Variants in SMCO4 observed in about 807,000 individuals in gnomAD.
SMCO4 encodes single-pass membrane protein with coiled-coil domains 4.
Under a neutral mutation model 3.6 loss-of-function variants are expected in SMCO4, and 4 were observed. The observed-to-expected ratio is 1.11, with a 90% confidence interval of 0.54 to 2.53. The LOEUF is 2.53. SMCO4 is among the 30% of genes most tolerant of loss of function. SMCO4 has a pLI of 0.02. For missense variants in SMCO4, 70 were observed against 80.8 expected (o/e 0.87, Z 0.51); for synonymous variants, 36 against 35.3 (o/e 1.02, Z -0.07).
chr11:93,507,939 T>G (rs1254478739), intron 1 of SMCO4, among the ~76,000 whole-genome samples: 1 of 152,234 alleles, frequency 6.6e-6, no homozygotes, highest in Non-Finnish European at 1.5e-5. Flanking sequence ...ACAATGTCAC[T>G]CTTCTCACTA....
intron 1 of SMCO4, among the ~76,000 whole-genome samples, chr11:93,524,905 GA>G (rs2134624890): frequency 6.6e-6 from 1 of 152,316 alleles, no homozygotes; most frequent in African/African-American, 2.4e-5. Context: ...TATAAACTCA[GA>G]ATTCTGTGAT....
At chr11:93,487,797 G>C (rs1424847648) in intron 2 of SMCO4, among the ~76,000 whole-genome samples, 2 of 152,224 alleles carry the variant, frequency 1.3e-5, no homozygotes, top group Non-Finnish European at 2.9e-5. Context: ...GCATGTCAGG[G>C]TTTCAGTCCC....
intron 1 of SMCO4, among the ~76,000 whole-genome samples, chr11:93,516,251 GA>G (rs1311989637): frequency 1.3e-5 from 2 of 152,174 alleles, no homozygotes; most frequent in African/African-American, 2.4e-5. Flanking sequence ...TAACACCCCT[GA>G]AGAAGGGAGA....
intron 1 of SMCO4, among the ~76,000 whole-genome samples, chr11:93,517,887 C>G (rs1337639610): frequency 6.6e-6 from 1 of 152,220 alleles, no homozygotes; most frequent in Non-Finnish European, 1.5e-5. Flanking sequence ...TATGGTGTCA[C>G]TGGAAAAGCC....
rs182325185 is a variant in SMCO4, at chr11:93,506,380, C to A, written c.-153-7032G>T. ...AAACAACTGGTGGCTTAGCATAAAT[C>A]AAGGCAGTGGCATCTCACTGTATCA... On this transcript the variant is annotated intron_variant, in intron 1 of 2. Transcript: ENST00000298966. 7.3e-5 allele frequency among the ~76,000 whole-genome samples: 11 copies of A among 151,238 alleles called. No homozygotes were observed. In the East Asian group the frequency reaches 1.6e-3, roughly 21 times the overall value.
At chr11:93,531,208 C>T (rs1249549645) in intron 1 of SMCO4, among the ~76,000 whole-genome samples, 1 of 152,196 alleles carries the variant, frequency 6.6e-6, no homozygotes, top group Non-Finnish European at 1.5e-5. Flanking sequence ...AACAAACAGC[C>T]TGAGTAAGAG....
At chr11:93,492,062 AT>A (rs1948723927) in intron 2 of SMCO4, among the ~76,000 whole-genome samples, 1 of 152,250 alleles carries the variant, frequency 6.6e-6, no homozygotes, top group Non-Finnish European at 1.5e-5. Flanking sequence ...GACTAACTGA[AT>A]TTATCAAACA....
intron 2 of SMCO4, among the ~76,000 whole-genome samples, chr11:93,483,269 T>C (rs776111358): frequency 6.6e-6 from 1 of 152,172 alleles, no homozygotes; most frequent in East Asian, 1.9e-4. Flanking sequence ...CACAGAGCAC[T>C]GTCCATGCCC....
At chr11:93,515,443 T>C (rs1166600430) in intron 1 of SMCO4, among the ~76,000 whole-genome samples, 1 of 152,178 alleles carries the variant, frequency 6.6e-6, no homozygotes, top group African/African-American at 2.4e-5. Context: ...TATCACTGTA[T>C]ACATGAGGAA....
intron 2 of SMCO4, among the ~76,000 whole-genome samples, chr11:93,480,211 G>C (rs1948575612): frequency 6.6e-6 from 1 of 152,172 alleles, no homozygotes; most frequent in African/African-American, 2.4e-5. Flanking sequence ...CAAAGAACCA[G>C]GCTCAGAAAA....
intron 1 of SMCO4, among the ~76,000 whole-genome samples, chr11:93,540,572 G>A (rs1949263567): frequency 6.6e-6 from 1 of 152,170 alleles, no homozygotes; most frequent in Non-Finnish European, 1.5e-5. Flanking sequence ...GGATAGCTGA[G>A]AATTCCTTTT....
intron 2 of SMCO4, among the ~76,000 whole-genome samples, chr11:93,497,675 T>C (rs950819002): frequency 2.6e-5 from 4 of 152,190 alleles, no homozygotes; most frequent in East Asian, 1.9e-4. Context: ...CTGAACCCCA[T>C]TCACATCAGT....
At chr11:93,496,250 G>A (rs1311958367) in intron 2 of SMCO4, among the ~76,000 whole-genome samples, 1 of 152,164 alleles carries the variant, frequency 6.6e-6, no homozygotes, top group Admixed American at 6.5e-5. Flanking sequence ...CTTGGACTTG[G>A]GGGGCGGATA....
intron 1 of SMCO4, among the ~76,000 whole-genome samples, chr11:93,516,686 A>T (rs1234579406): frequency 6.6e-6 from 1 of 152,022 alleles, no homozygotes; most frequent in Non-Finnish European, 1.5e-5. Context: ...GCTACCCGGG[A>T]GGCTGAGGCA....
At chr11:93,512,704 GGTTTGT>G (rs1324125030) in intron 1 of SMCO4, among the ~76,000 whole-genome samples, 1 of 152,096 alleles carries the variant, frequency 6.6e-6, no homozygotes, top group Non-Finnish European at 1.5e-5. Flanking sequence ...ATACCATCTA[GGTTTGT>G]GTAAGCACAC....
At chr11:93,545,842 C>T (rs1043545113), upstream of SMCO4, among the ~76,000 whole-genome samples, 4 of 152,142 alleles carry the variant, frequency 2.6e-5, no homozygotes, top group African/African-American at 7.2e-5. Flanking sequence ...CAGGGGCTTT[C>T]GATGTGCACT....
chr11:93,542,518 T>G (rs887922200), intron 1 of SMCO4, among the ~76,000 whole-genome samples: 68 of 152,182 alleles, frequency 4.5e-4, no homozygotes, highest in African/African-American at 1.5e-3. Context: ...GCAAAAGCAC[T>G]GCAGTCTGAG....
intron 2 of SMCO4, among the ~76,000 whole-genome samples, chr11:93,481,705 T>C (rs552612762): frequency 6.6e-6 from 1 of 152,338 alleles, no homozygotes; most frequent in East Asian, 1.9e-4. Flanking sequence ...AAGCTGCAAA[T>C]GGCAGCCTAT....
At chr11:93,483,078 G>A (rs767089985) in intron 2 of SMCO4, among the ~76,000 whole-genome samples, 1 of 152,160 alleles carries the variant, frequency 6.6e-6, no homozygotes, top group Non-Finnish European at 1.5e-5. Context: ...AACAAGAGGA[G>A]GTAGGAAGAT....
Sources: gnomAD v4.1 joint callset for allele counts (sites outside exome capture counted in the v4.1 genomes callset) on GRCh38, gnomAD v4.1.1 for gene constraint, MANE v1.5 for transcripts, NCBI Gene and HGNC (gene_info 2026-07-23, HGNC 2026-07-21) for gene names.